The following SLF2 variants were observed in gnomAD, a reference collection of about 807,000 sequenced individuals.
The protein encoded by SLF2 is SMC5-SMC6 complex localization factor protein 2.
Under a neutral mutation model 124.3 loss-of-function variants are expected in SLF2, and 68 were observed. That is an observed-to-expected ratio of 0.55 (90% CI 0.45 to 0.67). The LOEUF is 0.67. Ranked by LOEUF, SLF2 falls within the 30% of genes least tolerant of loss-of-function variation. The probability of loss-of-function intolerance (pLI) is 0.00; values close to 1 mark genes in which losing one functional copy is unlikely to be tolerated. For synonymous variants in SLF2, 480 were observed against 478.8 expected, an observed-to-expected ratio of 1.00 and a Z score of -0.03; for missense variants, 1,246 against 1,373.7, an observed-to-expected ratio of 0.91 and a Z score of 1.47.
rs1282961068 is a variant in SLF2, at chr10:100,947,827, C to T, written c.3100C>T (p.Pro1034Ser). 1.2e-6 allele frequency: 2 copies of T among 1,610,920 alleles called. No homozygotes were observed. The highest frequency in any genetic ancestry group is 1.7e-4 in the Middle Eastern group (1 of 5,828). The change falls in exon 15 of 20, where the codon CCT becomes TCT. Residue 1034 changes from proline (P) to serine (S), a missense_variant. By Grantham distance (74) the Pro-to-Ser change is moderately conservative (BLOSUM62 -1). This residue lies in a region of SLF2 where 535 missense variants were observed against 632.8 expected (regional missense o/e 0.85). Transcript: ENST00000238961. Reference protein sequence around the residue: ...KLLDEKHEDVPNASNLQVSVL... With the variant: ...KLLDEKHEDVSNASNLQVSVL... ...TTTGGATGAGAAACACGAAGATGTT[C>T]CTAATGCCAGTAATCTGCAGGTATA...
At chr10:100,960,849 C>T (rs1850413386) in intron 19 of SLF2, among the ~76,000 whole-genome samples, 1 of 151,586 alleles carries the variant, frequency 6.6e-6, no homozygotes, top group Non-Finnish European at 1.5e-5. Context: ...AGTAAGTGTG[C>T]CAGCCTGCTT....
At position 100,924,942 on chromosome 10, in the gene SLF2, G is replaced by A; in HGVS notation, c.1941G>A (p.Lys647=). The A allele has an allele frequency of 1.2e-6, 2 of 1,613,742 alleles. No individual in the cohort carries two copies. The highest frequency in any genetic ancestry group is 2.2e-5 in the South Asian group (2 of 91,082). The change falls in exon 5 of 20, where the codon AAG becomes AAA. Residue 647 remains lysine (K), a synonymous_variant. Transcript: ENST00000238961. ...CAGGAAAGCCTCCTGCTCTTTCCAA[G>A]GGGCTTAGATCTCAGTCATCAGACT... ...AATGKPPALS[K]GLRSQSSDYT...
chr10:100,950,660 T>C lies in SLF2; in HGVS notation c.3253-16T>C. On this transcript the variant is annotated splice_polypyrimidine_tract_variant and intron_variant, in intron 16 of 19. Coordinates refer to ENST00000238961, the MANE Select transcript of SLF2 (RefSeq NM_018121.4). ...AGCTAATTCATAGGTGTTAATTTTA[T>C]TCATTTCTCTAACAGGCATATTACC... 1 of 1,599,736 alleles carries C rather than the reference T, an allele frequency of 6.3e-7. No individual in the cohort carries two copies. The highest frequency in any genetic ancestry group is 8.6e-7 in the Non-Finnish European group (1 of 1,167,630).
At chr10:100,913,513 G>C in intron 1 of SLF2, 1 of 1,251,862 alleles carries the variant, frequency 8.0e-7, no homozygotes, top group Non-Finnish European at 1.0e-6. Flanking sequence ...TAGAAAGAAA[G>C]TGATTTTTTT....
chr10:100,938,170 G>A (rs941869997), intron 10 of SLF2, among the ~76,000 whole-genome samples: 3 of 152,144 alleles, frequency 2.0e-5, no homozygotes, highest in African/African-American at 4.8e-5. Flanking sequence ...CTGTAAAAGT[G>A]TAACATTTGC....
At chr10:100,934,026 C>G (rs1849797336) in intron 9 of SLF2, among the ~76,000 whole-genome samples, 1 of 152,150 alleles carries the variant, frequency 6.6e-6, no homozygotes, top group Admixed American at 6.5e-5. Context: ...TTTGAGTGAA[C>G]AGTTTAAATT....
At chr10:100,921,500 C>A (rs895049578) in intron 4 of SLF2, among the ~76,000 whole-genome samples, 1 of 152,112 alleles carries the variant, frequency 6.6e-6, no homozygotes. Flanking sequence ...ACAAAGGATA[C>A]AAAAAGAATT....
At chr10:100,955,285 A>G (rs760010094) in intron 17 of SLF2, among the ~76,000 whole-genome samples, 2 of 151,918 alleles carry the variant, frequency 1.3e-5, no homozygotes, top group Admixed American at 6.6e-5. Flanking sequence ...TGATTTTGCT[A>G]TAAGAATTCC....
chr10:100,953,499 T>C (rs139202752), intron 17 of SLF2, among the ~76,000 whole-genome samples: 6 of 151,448 alleles, frequency 4.0e-5, no homozygotes, highest in South Asian at 2.1e-4. Context: ...GTAAAACTTA[T>C]ATAAAGTAAA....
At position 100,924,107 on chromosome 10, in the gene SLF2, A is replaced by G; in HGVS notation, c.1106A>G (p.His369Arg). Residue 369 changes from histidine (H) to arginine (R), a missense_variant, in exon 5 of 20, where the codon CAT becomes CGT. Physicochemically the swap from His to Arg is conservative, Grantham distance 29 (BLOSUM62 0). Transcript: ENST00000238961. The stretch of plus-strand genomic sequence containing the variant: ...CTTGAGAAGCGTCCTGATGGACCAC[A>G]TCAGAAAGAAAAATTTATAAAACAT... ...SFLEKRPDGP[H>R]QKEKFIKHIA... 1 of 1,613,454 alleles carries G rather than the reference A, an allele frequency of 6.2e-7. No individual in the cohort carries two copies. The highest frequency in any genetic ancestry group is 8.5e-7 in the Non-Finnish European group (1 of 1,179,860).
rs564847564 is a variant in SLF2, at chr10:100,924,222, G to A, written c.1221G>A (p.Leu407=). The change falls in exon 5 of 20, where the codon TTG becomes TTA. Residue 407 remains leucine (L), a synonymous_variant. Coordinates refer to ENST00000238961, the MANE Select transcript of SLF2 (RefSeq NM_018121.4). ...AAACTGATGGCTCTTCTGCAGGCTT[G>A]GCACCTTCAAATTCTGGCAATTCTG... ...SDETDGSSAG[L]APSNSGNSGH... is the part of the protein sequence containing the mutation. The A allele has an allele frequency of 6.2e-7, 1 of 1,614,064 alleles. No individual in the cohort carries two copies. The highest frequency in any genetic ancestry group is 1.3e-5 in the African/African-American group (1 of 75,000).
At chr10:100,921,068 T>C (rs1408860266) in intron 4 of SLF2, among the ~76,000 whole-genome samples, 1 of 152,236 alleles carries the variant, frequency 6.6e-6, no homozygotes, top group Non-Finnish European at 1.5e-5. Flanking sequence ...CACATACAAG[T>C]TCAGGGATTT....
Position 100,929,454 on chromosome 10 carries a change from A to G in SLF2, c.2165+15A>G, listed in dbSNP as rs762872707. 4 of 1,574,670 alleles carry G rather than the reference A, an allele frequency of 2.5e-6. No individual in the cohort carries two copies. Among genetic ancestry groups the G allele is most frequent in the African/African-American group, 1.4e-5 (1 of 72,892 alleles). On this transcript the variant is annotated intron_variant, in intron 7 of 19. Coordinates refer to ENST00000238961, the MANE Select transcript of SLF2 (RefSeq NM_018121.4). ...GAAGAGCACAAGTATAGCATTTTTC[A>G]TAATGTATTTTACCTTATTAAAGTT...
Position 100,924,600 on chromosome 10 carries a change from T to G in SLF2, c.1599T>G (p.Ser533=). 6.2e-7 allele frequency: 1 copy of G among 1,614,064 alleles called. No homozygotes were observed. The highest frequency in any genetic ancestry group is 8.5e-7 in the Non-Finnish European group (1 of 1,180,006). ...AAGCAAAGACTAATAAGGCCGATTCTAATGTATCTTCAGGGAAAATTTCTG... is the reference window on the plus strand; with the variant it reads ...AAGCAAAGACTAATAAGGCCGATTCGAATGTATCTTCAGGGAAAATTTCTG... ...EHKAKTNKAD[S]NVSSGKISGG... Residue 533 remains serine, a synonymous_variant, in exon 5 of 20, where the codon TCT becomes TCG. Coordinates refer to ENST00000238961, the MANE Select transcript of SLF2 (RefSeq NM_018121.4).
chr10:100,937,608 GTTTTTTTTGGTT>G (rs1564778122), intron 10 of SLF2, 131 bp downstream of exon 10: 3 of 593,756 alleles, frequency 5.1e-6, no homozygotes, highest in African/African-American at 1.9e-5. Context: ...ATCAAAAGTC[GTTTTTTTTGGTT>G]TTTTTTTTGA....
chr10:100,958,394 T>C (rs1256619891), intron 18 of SLF2, among the ~76,000 whole-genome samples: 1 of 152,374 alleles, frequency 6.6e-6, no homozygotes, highest in East Asian at 1.9e-4. Context: ...AGAGTAGAAC[T>C]CTAGTTTCAG....
At chr10:100,914,818 A>G (rs1849385655) in intron 1 of SLF2, among the ~76,000 whole-genome samples, 1 of 152,222 alleles carries the variant, frequency 6.6e-6, no homozygotes, top group African/African-American at 2.4e-5. Context: ...TTGCTCTTCT[A>G]ATGTGACCAG....
chr10:100,960,998 CTTT>C (rs59983480), intron 19 of SLF2, among the ~76,000 whole-genome samples: 3 of 61,402 alleles, frequency 4.9e-5, no homozygotes, highest in South Asian at 1.5e-3. Flanking sequence ...TTCTGTACTT[CTTT>C]TTTTTTTTTT....
intron 8 of SLF2, 100 bp from the exon 9 acceptor site, chr10:100,930,876 C>G (rs1250807099): frequency 1.1e-6 from 1 of 878,866 alleles, no homozygotes; most frequent in African/African-American, 1.7e-5. Context: ...AGACAGTTTG[C>G]TTGCTCATTT....
Sources: allele counts gnomAD v4.1 joint callset (sites outside exome capture counted in the v4.1 genomes callset), GRCh38; gene constraint gnomAD v4.1.1; regional missense constraint gnomAD v4.1.1; transcripts MANE v1.5; gene names NCBI Gene and HGNC (gene_info 2026-07-23, HGNC 2026-07-21).